The following SLC8B1 variants were observed in gnomAD, a reference collection of about 807,000 sequenced individuals.
The protein encoded by SLC8B1 is solute carrier family 8 member B1.
A neutral mutation model predicts 63.4 loss-of-function variants in SLC8B1; 52 were observed. The ratio of observed to expected loss-of-function variants is 0.82; its 90% CI spans 0.66 to 1.03. The LOEUF is 1.03. Ranked by LOEUF, SLC8B1 falls within the 50% of genes least tolerant of loss-of-function variation. SLC8B1 has a pLI of 0.00. For synonymous variants in SLC8B1, 336 were observed against 323.9 expected (o/e 1.04, Z -0.40); for missense variants, 657 against 741.7 (o/e 0.89, Z 1.33).
At chr12:113,308,336 ACT>A (rs1023226423) in intron 12 of SLC8B1, 6 of 152,154 alleles carry the variant, frequency 3.9e-5, no homozygotes, top group South Asian at 2.1e-4. Context: ...ACTGAGTGAG[ACT>A]CTGTCTCGAA....
rs1593231831 is a variant in SLC8B1 at position 113,299,793 on chromosome 12, T to C, written c.1739A>G (p.His580Arg). ...VALLTEFGVIHLKSM is the reference protein window; with the variant it reads ...VALLTEFGVIRLKSM ...CGGCTTCAGTCACATGCTTTTCAGG[T>C]GAATCACTCCAAATTCAGTGAGGAG... is the stretch of plus-strand genomic sequence containing the variant. The change falls in exon 16 of 16, where the codon CAC becomes CGC. Residue 580 changes from histidine (H) to arginine (R), a missense_variant. Transcript: ENST00000680972. 1.2e-6 allele frequency: 2 copies of C among 1,614,036 alleles called. No individual in the cohort carries two copies. Among genetic ancestry groups the C allele is most frequent in the East Asian group, 4.5e-5 (2 of 44,870 alleles).
rs1286618173 is a variant in SLC8B1 at position 113,305,429 on chromosome 12, T to C, written c.1493-1044A>G. 6.6e-6 allele frequency among the ~76,000 whole-genome samples: 1 copy of C among 152,176 alleles called. No individual in the cohort carries two copies. Among genetic ancestry groups the C allele is most frequent in the African/African-American group, 2.4e-5 (1 of 41,462 alleles). On this transcript the variant is annotated intron_variant, in intron 14 of 15. Coordinates refer to ENST00000680972, the MANE Select transcript of SLC8B1 (RefSeq NM_001358345.2). The surrounding 1 kb of genome is among the most constrained non-coding windows in gnomAD (Gnocchi z 4.3). ...TGGAGAGAGCGGCCCTTCAGGCACT[T>C]TGTGATCATCTTTCTTTCTTTAGCA...
At chr12:113,316,817 G>T in intron 9 of SLC8B1, 125 bp downstream of exon 9, 3 of 1,468,126 alleles carry the variant, frequency 2.0e-6, no homozygotes, top group Non-Finnish European at 1.9e-6. Flanking sequence ...CACCTGAGCT[G>T]CAGTGAGAGG....
chr12:113,317,459 A>AGT (rs1400474287), intron 8 of SLC8B1, among the ~76,000 whole-genome samples: 2 of 152,244 alleles, frequency 1.3e-5, no homozygotes, highest in Non-Finnish European at 1.5e-5. Context: ...ACACAGTGAA[A>AGT]GTCTAATTCA....
intron 2 of SLC8B1, among the ~76,000 whole-genome samples, chr12:113,328,134 G>T (rs1957017965): frequency 6.6e-6 from 1 of 152,128 alleles, no homozygotes; most frequent in African/African-American, 2.4e-5. Flanking sequence ...TCAGGCTCAA[G>T]CAGTCTCCTA....
In SLC8B1 at chr12:113,298,825, T is replaced by C. The variant is rs953450594; in HGVS notation, c.*952A>G. On this transcript the variant is annotated 3_prime_UTR_variant, in exon 16 of 16. Coordinates refer to ENST00000680972, the MANE Select transcript of SLC8B1 (RefSeq NM_001358345.2). ...AAAGAGACAGTTGAATCCCTTTTCT[T>C]TACCAGCATAAGGCAGTCAGGCAAA... The C allele has an allele frequency of 2.0e-5, 3 of 152,248 alleles. No homozygotes were observed. The highest frequency in any genetic ancestry group is 7.2e-5 in the African/African-American group (3 of 41,454). The allele number at this position is 152,248 out of a possible 1,614,324, so 9.4% of individuals were successfully genotyped here. A position where few individuals can be genotyped will look rare whatever the true frequency, so the allele number is the denominator to read the frequency against.
intron 8 of SLC8B1, among the ~76,000 whole-genome samples, chr12:113,318,225 T>C (rs1470445987): frequency 6.6e-6 from 1 of 151,628 alleles, no homozygotes; most frequent in African/African-American, 2.4e-5. Context: ...ATGTGTTGTA[T>C]GTACACATTT....
At chr12:113,315,516 G>A in intron 10 of SLC8B1, 40 bp from the exon 11 acceptor site, 1 of 1,512,056 alleles carries the variant, frequency 6.6e-7, no homozygotes, top group Admixed American at 2.2e-5. Flanking sequence ...CGGCAGGGAA[G>A]TCTGAATCCC....
rs1359503716 is a variant in SLC8B1 at position 113,307,763 on chromosome 12, G to A, written c.1339C>T (p.Leu447=). The A allele has an allele frequency of 6.2e-7, 1 of 1,613,886 alleles. No individual in the cohort carries two copies. The highest frequency in any genetic ancestry group is 1.3e-5 in the African/African-American group (1 of 74,926). ...TTGCTCAGCCGGAAGACCACACCCA[G>A]GGACCGCAAGATGTTCACCACCTCT... ...ATEVVNILRS[L]GVVFRLSNTV... Residue 447 remains leucine, a synonymous_variant, in exon 13 of 16, where the codon CTG becomes TTG. Transcript: ENST00000680972.
At chr12:113,333,348 C>T (rs1957082833) in intron 1 of SLC8B1, among the ~76,000 whole-genome samples, 2 of 152,178 alleles carry the variant, frequency 1.3e-5, no homozygotes, top group African/African-American at 4.8e-5. Context: ...CAAAACAAAA[C>T]AAAACAAACT....
chr12:113,304,240 C>T (rs1956639543), intron 15 of SLC8B1, 81 bp downstream of exon 15: 2 of 1,385,330 alleles, frequency 1.4e-6, no homozygotes, highest in East Asian at 4.6e-5. Flanking sequence ...GACCCAGATC[C>T]AAAGCCAGGG....
At chr12:113,318,911 C>G in intron 8 of SLC8B1, 53 bp downstream of exon 8, 1 of 1,454,106 alleles carries the variant, frequency 6.9e-7, no homozygotes, top group Non-Finnish European at 9.6e-7. Flanking sequence ...CTGAAGGGCA[C>G]AGAGGCCCCC....
chr12:113,310,465 A>G lies in SLC8B1; in HGVS notation c.1136-110T>C. Reference sequence around the variant, plus strand: ...CTTCCTATCTGCCCAGCCCTGTCCTAGACACTTCATGGGGGCAGAAAAATT... The same window carrying G: ...CTTCCTATCTGCCCAGCCCTGTCCTGGACACTTCATGGGGGCAGAAAAATT... On this transcript the variant is annotated intron_variant, in intron 11 of 15. Transcript: ENST00000680972. 2.8e-6 allele frequency: 4 copies of G among 1,410,514 alleles called. No individual in the cohort carries two copies. In the South Asian group the frequency reaches 6.5e-5, roughly 23 times the overall value. 87.4% of individuals were successfully genotyped at this position (1,410,514 alleles called of 1,614,324 possible).
rs758624214 is a variant in SLC8B1 at position 113,319,303 on chromosome 12, C to T, written c.695-232G>A. On this transcript the variant is annotated intron_variant, in intron 7 of 15. Transcript: ENST00000680972. The stretch of plus-strand genomic sequence containing the variant: ...TCAAGGAGGTAATACCCAAGCACAG[C>T]GAGAGACCTCCAGGTCCCCATTCAA... The T allele has an allele frequency of 4.6e-4, 215 of 470,346 alleles. 2 individuals are homozygous for T. The highest frequency in any genetic ancestry group is 8.3e-5 in the Non-Finnish European group (21 of 254,408). 29.1% of individuals were successfully genotyped at this position (470,346 alleles called of 1,614,324 possible). A position where few individuals can be genotyped will look rare whatever the true frequency, so the allele number is the denominator to read the frequency against.
chr12:113,316,474 A>G (rs1956837062), intron 10 of SLC8B1, 52 bp downstream of exon 10: 1 of 1,593,830 alleles, frequency 6.3e-7, no homozygotes, highest in Admixed American at 1.7e-5. Context: ...TAGCGTGGCC[A>G]CTGTCTTGCT....
rs1276285072 is a variant in SLC8B1, at chr12:113,332,952, T to C, written c.-74A>G. The C allele has an allele frequency of 2.7e-5, 42 of 1,558,946 alleles. No individual in the cohort carries two copies. The highest frequency in any genetic ancestry group is 3.4e-5 in the Non-Finnish European group (39 of 1,154,564). On this transcript the variant is annotated 5_prime_UTR_variant, in exon 2 of 16. Coordinates refer to ENST00000680972, the MANE Select transcript of SLC8B1 (RefSeq NM_001358345.2). The stretch of plus-strand genomic sequence containing the variant: ...AGCTCAGTTCCAAACAGCTGGCGGC[T>C]CCGGTGGCCTGCAAGGTGGGAGTGA...
In SLC8B1 at chr12:113,299,547, A is replaced by T; in HGVS notation, c.*230T>A. 1 of 544,418 alleles carries T rather than the reference A, an allele frequency of 1.8e-6. No individual in the cohort carries two copies. The allele number at this position is 544,418 out of a possible 1,614,324, so 33.7% of individuals were successfully genotyped here. ...AGCTTCTCTCTGGAACCCTTTGTCC[A>T]GAGCAAAGCCAGGTTTCCAAGGTCC... On this transcript the variant is annotated 3_prime_UTR_variant, in exon 16 of 16. Transcript: ENST00000680972.
At chr12:113,322,777 T>C (rs557418355) in intron 2 of SLC8B1, among the ~76,000 whole-genome samples, 13 of 151,942 alleles carry the variant, frequency 8.6e-5, no homozygotes, top group Non-Finnish European at 1.2e-4. Context: ...CAAAACTCCA[T>C]CTCTACAAAA....
In SLC8B1 at chr12:113,304,229, G is replaced by A. The variant is rs941090874; in HGVS notation, c.1557+92C>T. ...CATACAGCCAGGGACTTAAGTGATG[G>A]GACCCAGATCCAAAGCCAGGGCCTT... On this transcript the variant is annotated intron_variant, in intron 15 of 15. Coordinates refer to ENST00000680972, the MANE Select transcript of SLC8B1 (RefSeq NM_001358345.2). 9 of 1,198,008 alleles carry A rather than the reference G, an allele frequency of 7.5e-6. No individual in the cohort carries two copies. The African/African-American group carries it at 1.2e-4, about 16-fold the overall frequency. The allele number at this position is 1,198,008 out of a possible 1,614,324, so 74.2% of individuals were successfully genotyped here.
Sources: allele counts gnomAD v4.1 joint callset (sites outside exome capture counted in the v4.1 genomes callset), GRCh38; gene constraint gnomAD v4.1.1; non-coding constraint Gnocchi (gnomAD v3.1); transcripts MANE v1.5; gene names NCBI Gene and HGNC (gene_info 2026-07-23, HGNC 2026-07-21).